The following NKAIN3 variants were observed in gnomAD, a reference collection of about 807,000 sequenced individuals.
NKAIN3 encodes sodium/potassium transporting ATPase interacting 3.
A neutral mutation model predicts 30.2 loss-of-function variants in NKAIN3; 25 were observed. That is an observed-to-expected ratio of 0.83 (90% CI 0.60 to 1.16). The LOEUF is 1.16. Among genes scored for constraint, NKAIN3 ranks in the 50% most tolerant of loss-of-function variants. The pLI, the probability that NKAIN3 is intolerant of heterozygous loss-of-function variation, is 0.00. For missense variants in NKAIN3, 225 were observed against 254.1 expected (o/e 0.89, Z 0.78); for synonymous variants, 91 against 89.6 (o/e 1.02, Z -0.09).
chr8:62,265,209 T>C (rs550453318), intron 1 of NKAIN3, among the ~76,000 whole-genome samples: 2 of 152,358 alleles, frequency 1.3e-5, no homozygotes, highest in South Asian at 4.1e-4. Flanking sequence ...AGTACACGTA[T>C]CCTTCTTTCT....
chr8:62,695,754 G>A (rs1481655286), intron 3 of NKAIN3, among the ~76,000 whole-genome samples: 1 of 152,178 alleles, frequency 6.6e-6, no homozygotes, highest in African/African-American at 2.4e-5. Context: ...AGTTTTGAAA[G>A]CAGAACTCAG....
At position 62,299,772 on chromosome 8, in the gene NKAIN3, G is replaced by A. The variant is rs1210446770; in HGVS notation, c.54+50645G>A. ...TAGGTATTTATTTTAGTTATGCTTA[G>A]AAACAAGAGACAGTTTTAACAATAT... is the stretch of plus-strand genomic sequence containing the variant. On this transcript the variant is annotated intron_variant, in intron 1 of 6. Coordinates refer to ENST00000623646, the MANE Select transcript of NKAIN3 (RefSeq NM_001304533.3). Among the ~76,000 whole-genome samples the A allele has an allele frequency of 1.5e-4, 23 of 152,008 alleles. 1 individual carries two copies. Among genetic ancestry groups the A allele is most frequent in the Middle Eastern group, 6.3e-3 (2 of 316 alleles).
chr8:62,361,786 C>T (rs1370752351), intron 1 of NKAIN3, among the ~76,000 whole-genome samples: 1 of 152,070 alleles, frequency 6.6e-6, no homozygotes, highest in Non-Finnish European at 1.5e-5. Flanking sequence ...AAAATATTTT[C>T]CTTACAATTC....
At chr8:62,564,213 C>T (rs827701) in intron 1 of NKAIN3, among the ~76,000 whole-genome samples, 34,822 of 152,054 alleles carry the variant, frequency 0.23, 4,183 homozygotes, top group East Asian at 0.37. Flanking sequence ...CCTTTAGATA[C>T]TAATTTTAAA....
rs140015815 is a variant in NKAIN3 at position 62,318,277 on chromosome 8, C to T, written c.54+69150C>T. ...TAATTGAATACCCTTTATTTCCTCT[C>T]CTGCCTGATTGCCCTGGCCAGAACG... On this transcript the variant is annotated intron_variant, in intron 1 of 6. Coordinates refer to ENST00000623646, the MANE Select transcript of NKAIN3 (RefSeq NM_001304533.3). Among the ~76,000 whole-genome samples, 845 of 152,268 alleles carry T rather than the reference C, an allele frequency of 5.5e-3. 11 individuals carry two copies. The highest frequency in any genetic ancestry group is 0.019 in the African/African-American group (804 of 41,552).
chr8:62,637,024 G>A (rs1483400446), intron 3 of NKAIN3, among the ~76,000 whole-genome samples: 1 of 151,992 alleles, frequency 6.6e-6, no homozygotes, highest in African/African-American at 2.4e-5. Context: ...ACAGCTATCA[G>A]TTTTTTCTGA....
chr8:62,912,593 A>T (rs1367838843), intron 4 of NKAIN3, among the ~76,000 whole-genome samples: 1 of 152,074 alleles, frequency 6.6e-6, no homozygotes, highest in Admixed American at 6.6e-5. Context: ...AATTTTTTTT[A>T]ACTTTTTAAA....
intron 1 of NKAIN3, among the ~76,000 whole-genome samples, chr8:62,446,413 T>G (rs1472083667): frequency 6.6e-6 from 1 of 152,132 alleles, no homozygotes; most frequent in Non-Finnish European, 1.5e-5. Context: ...TTATTAAGCC[T>G]TGTGTAATGA....
chr8:62,559,462 C>T (rs988793484), intron 1 of NKAIN3, among the ~76,000 whole-genome samples: 1 of 151,928 alleles, frequency 6.6e-6, no homozygotes, highest in African/African-American at 2.4e-5. Flanking sequence ...TTTTCACTTT[C>T]TGTTTTTTCT....
chr8:62,705,014 T>C (rs1814473569), intron 3 of NKAIN3, among the ~76,000 whole-genome samples: 1 of 152,184 alleles, frequency 6.6e-6, no homozygotes, highest in Admixed American at 6.5e-5. Context: ...TAAGAACTTA[T>C]TGAATGGCTC....
chr8:62,335,412 GAGTA>G (rs1413918155), intron 1 of NKAIN3, among the ~76,000 whole-genome samples: 7 of 141,898 alleles, frequency 4.9e-5, no homozygotes, highest in Non-Finnish European at 7.6e-5. Context: ...CTGGGTGACG[GAGTA>G]AGTGAGACTC....
At chr8:62,638,174 G>A (rs1056000225) in intron 3 of NKAIN3, among the ~76,000 whole-genome samples, 4 of 152,156 alleles carry the variant, frequency 2.6e-5, no homozygotes, top group East Asian at 3.9e-4. Flanking sequence ...ATGCTAATAA[G>A]GTTTGCAAGC....
chr8:62,863,948 G>A, intron 4 of NKAIN3: 1 of 948,064 alleles, frequency 1.1e-6, no homozygotes, highest in South Asian at 1.3e-5. Flanking sequence ...GCCAAAGGTG[G>A]CGGTGGTGGT....
chr8:62,499,818 G>GTTTCTTTCTTTC (rs377627927), intron 1 of NKAIN3, among the ~76,000 whole-genome samples: 2 of 95,980 alleles, frequency 2.1e-5, no homozygotes, highest in African/African-American at 6.1e-5. Flanking sequence ...TTGTTTGTTT[G>GTTTCTTTCTTTC]TTTCTTTCTT....
intron 4 of NKAIN3, among the ~76,000 whole-genome samples, chr8:62,813,358 ATT>A (rs35620594): frequency 6.6e-6 from 1 of 151,512 alleles, no homozygotes; most frequent in Non-Finnish European, 1.5e-5. Context: ...AAATTTTAGG[ATT>A]TTTTTTTATC....
chr8:62,755,328 C>T (rs1305151243), intron 4 of NKAIN3, among the ~76,000 whole-genome samples: 2 of 152,158 alleles, frequency 1.3e-5, no homozygotes, highest in African/African-American at 4.8e-5. Context: ...TATGAATCTC[C>T]TGTTAGGCTG....
At chr8:62,898,368 G>T (rs1012123030) in intron 4 of NKAIN3, among the ~76,000 whole-genome samples, 1 of 152,094 alleles carries the variant, frequency 6.6e-6, no homozygotes, top group Non-Finnish European at 1.5e-5. Flanking sequence ...TCGCACCAGG[G>T]AATACTACCC....
At chr8:62,900,731 T>G (rs773001825) in intron 4 of NKAIN3, among the ~76,000 whole-genome samples, 1 of 152,168 alleles carries the variant, frequency 6.6e-6, no homozygotes, top group Non-Finnish European at 1.5e-5. Flanking sequence ...TATGATTATA[T>G]CTATTTGACA....
chr8:62,660,837 C>G (rs1586060913), intron 3 of NKAIN3, among the ~76,000 whole-genome samples: 2 of 152,190 alleles, frequency 1.3e-5, no homozygotes, highest in East Asian at 3.9e-4. Context: ...GTCTGGGAGA[C>G]AGAATGTGAG....
Sources: allele counts gnomAD v4.1 joint callset (sites outside exome capture counted in the v4.1 genomes callset), GRCh38; gene constraint gnomAD v4.1.1; transcripts MANE v1.5; gene names NCBI Gene and HGNC (gene_info 2026-07-23, HGNC 2026-07-21).